The following DGKH variants were observed in gnomAD, a reference collection of about 807,000 sequenced individuals.
DGKH encodes the protein DAG kinase eta.
A neutral mutation model predicts 159.3 loss-of-function variants in DGKH; 90 were observed. That is an observed-to-expected ratio of 0.57 (90% confidence interval 0.48 to 0.67). The LOEUF is 0.67. DGKH is among the 30% of genes least tolerant of loss of function. The probability of loss-of-function intolerance (pLI) is 0.00; values close to 1 mark genes in which losing one functional copy is unlikely to be tolerated. For synonymous variants in DGKH, 536 were observed against 553.8 expected (o/e 0.97, Z 0.45); for missense variants, 1,181 against 1,506.1 (o/e 0.78, Z 3.57).
intron 13 of DGKH, among the ~76,000 whole-genome samples, chr13:42,178,494 G>C (rs1052033296): frequency 6.6e-6 from 1 of 151,904 alleles, no homozygotes; most frequent in Admixed American, 6.6e-5. Flanking sequence ...TAACCTAAAT[G>C]TCTATTTAAG....
intron 1 of DGKH, among the ~76,000 whole-genome samples, chr13:42,111,187 T>G (rs1441035561): frequency 6.6e-6 from 1 of 152,106 alleles, no homozygotes; most frequent in Non-Finnish European, 1.5e-5. Context: ...AGGAGGTAAT[T>G]ACATCATTAT....
chr13:42,146,736 G>A (rs1050834372), intron 3 of DGKH, among the ~76,000 whole-genome samples: 1 of 152,218 alleles, frequency 6.6e-6, no homozygotes, highest in Non-Finnish European at 1.5e-5. Context: ...CCTCAACAGA[G>A]CATATAGTTG....
At chr13:42,050,240 G>C (rs985660813) in intron 1 of DGKH, among the ~76,000 whole-genome samples, 4 of 152,110 alleles carry the variant, frequency 2.6e-5, no homozygotes, top group African/African-American at 9.7e-5. Flanking sequence ...GCTTTGAGGC[G>C]TGCACCTGAG....
chr13:42,198,952 G>C (rs1208477837), intron 18 of DGKH, among the ~76,000 whole-genome samples: 2 of 152,002 alleles, frequency 1.3e-5, no homozygotes, highest in African/African-American at 4.8e-5. Context: ...CTTATTTTGG[G>C]AATCTTTTGG....
chr13:42,138,709 T>C (rs532794266), intron 3 of DGKH, among the ~76,000 whole-genome samples: 52 of 152,244 alleles, frequency 3.4e-4, no homozygotes, highest in Non-Finnish European at 6.6e-4. Context: ...TTTTATACCA[T>C]GTTTACAAAC....
chr13:42,109,801 G>A (rs918989203), intron 1 of DGKH, among the ~76,000 whole-genome samples: 3 of 152,034 alleles, frequency 2.0e-5, no homozygotes, highest in Admixed American at 2.0e-4. Flanking sequence ...ACTCACATTT[G>A]ATTCTCTTCA....
At chr13:42,098,165 A>G (rs918019150) in intron 1 of DGKH, among the ~76,000 whole-genome samples, 28 of 152,322 alleles carry the variant, frequency 1.8e-4, no homozygotes, top group African/African-American at 6.7e-4. Flanking sequence ...AAAACTTTAC[A>G]CAGGTGAAAA....
intron 24 of DGKH, among the ~76,000 whole-genome samples, chr13:42,214,029 G>A (rs1422570704): frequency 6.6e-6 from 1 of 152,144 alleles, no homozygotes; most frequent in East Asian, 1.9e-4. Flanking sequence ...TATGGAGATA[G>A]TAAATCATAG....
intron 1 of DGKH, among the ~76,000 whole-genome samples, chr13:42,114,695 A>G (rs946433803): frequency 5.3e-5 from 8 of 152,202 alleles, no homozygotes; most frequent in Non-Finnish European, 1.2e-4. Context: ...GTTATAAACC[A>G]TGCTCCATTA....
intron 13 of DGKH, among the ~76,000 whole-genome samples, chr13:42,182,711 T>C (rs1956803195): frequency 6.6e-6 from 1 of 152,222 alleles, no homozygotes; most frequent in South Asian, 2.1e-4. Flanking sequence ...GTGGAACCCA[T>C]GAATATGGAG....
chr13:42,211,361 A>G (rs1053666438), intron 24 of DGKH, among the ~76,000 whole-genome samples: 4 of 152,176 alleles, frequency 2.6e-5, no homozygotes, highest in East Asian at 3.8e-4. Flanking sequence ...CCATTTTCAT[A>G]TGGCTATGAA....
chr13:42,253,899 T>C (rs1958637800), intron 30 of DGKH, among the ~76,000 whole-genome samples: 1 of 152,104 alleles, frequency 6.6e-6, no homozygotes, highest in Admixed American at 6.5e-5. Flanking sequence ...ACCCATTGGA[T>C]TTTGCAACTT....
chr13:42,207,105 C>CTTTCTTTCTTTCTT (rs1555276109), intron 21 of DGKH, among the ~76,000 whole-genome samples: 1 of 126,892 alleles, frequency 7.9e-6, no homozygotes, highest in African/African-American at 3.1e-5. Flanking sequence ...TTCTTTCTTT[C>CTTTCTTTCTTTCTT]TTTCTTTCTC....
chr13:42,097,739 G>A (rs376322596), intron 1 of DGKH, among the ~76,000 whole-genome samples: 1 of 152,202 alleles, frequency 6.6e-6, no homozygotes, highest in Non-Finnish European at 1.5e-5. Flanking sequence ...ATTCCTGGGT[G>A]GGGGAGGCAG....
chr13:42,155,563 G>GA, intron 4 of DGKH, 104 bp from the exon 5 acceptor site: 1 of 1,566,348 alleles, frequency 6.4e-7, no homozygotes, highest in Non-Finnish European at 8.7e-7. Context: ...TTTTAAAAAT[G>GA]ATGGATTTGA....
chr13:42,068,892 C>T (rs1882771444), intron 1 of DGKH: 2 of 1,006,776 alleles, frequency 2.0e-6, no homozygotes, highest in Non-Finnish European at 2.8e-6. Flanking sequence ...AGACAAAATA[C>T]ATTTCATAAG....
chr13:42,175,310 A>G (rs1425352992), intron 12 of DGKH, among the ~76,000 whole-genome samples: 2 of 152,242 alleles, frequency 1.3e-5, no homozygotes, highest in African/African-American at 4.8e-5. Context: ...GGAAATACAA[A>G]ATTATATGAA....
chr13:42,206,775 C>A (rs1957483066), intron 21 of DGKH, among the ~76,000 whole-genome samples: 1 of 152,268 alleles, frequency 6.6e-6, no homozygotes, highest in East Asian at 1.9e-4. Flanking sequence ...CTTTTGATGA[C>A]CACTGTGATT....
At chr13:42,219,578 TATA>T in intron 27 of DGKH, 105 bp from the exon 28 acceptor site, 2 of 1,229,612 alleles carry the variant, frequency 1.6e-6, no homozygotes, top group Non-Finnish European at 2.3e-6. Flanking sequence ...ATCACTGTTC[TATA>T]ATGTTTAGTG....
Sources: gnomAD v4.1 joint callset for allele counts (sites outside exome capture counted in the v4.1 genomes callset) on GRCh38, gnomAD v4.1.1 for gene constraint, MANE v1.5 for transcripts, NCBI Gene and HGNC (gene_info 2026-07-23, HGNC 2026-07-21) for gene names.